Variants in FANK1 observed in about 807,000 individuals in gnomAD.
The protein encoded by FANK1 is fibronectin type III and ankyrin repeat domains 1.
FANK1 carries 44 observed loss-of-function variants against 45.3 expected under a neutral mutation model. The observed-to-expected ratio is 0.97, with a 90% confidence interval of 0.76 to 1.25. The LOEUF (loss-of-function observed/expected upper bound fraction) is 1.25, where lower values mean the gene tolerates loss of function less well. Ranked by LOEUF, FANK1 falls within the 50% of genes most tolerant of loss-of-function variation. The pLI, the probability that FANK1 is intolerant of heterozygous loss-of-function variation, is 0.00. For missense variants in FANK1, 391 were observed against 424.4 expected (o/e 0.92, Z 0.69); for synonymous variants, 149 against 152.5 (o/e 0.98, Z 0.17).
At chr10:125,948,532 C>G (rs1261444411) in intron 1 of FANK1, among the ~76,000 whole-genome samples, 14 of 152,120 alleles carry the variant, frequency 9.2e-5, no homozygotes, top group Admixed American at 3.3e-4. Flanking sequence ...ATAAATTCCT[C>G]AACACATACA....
chr10:125,980,140 C>T (rs779178619), intron 1 of FANK1, 21 bp from the exon 2 acceptor site: 24 of 1,603,712 alleles, frequency 1.5e-5, no homozygotes, highest in African/African-American at 2.7e-5. Context: ...TCCTGAAGTT[C>T]GGTGTCATTC....
chr10:125,924,083 T>C (rs1449350808), intron 1 of FANK1, among the ~76,000 whole-genome samples: 2 of 152,042 alleles, frequency 1.3e-5, no homozygotes, highest in Non-Finnish European at 2.9e-5. Context: ...GCGACTACAC[T>C]CCAGCCTGGG....
chr10:125,929,799 C>T lies in FANK1; in HGVS notation c.13+33144C>T, dbSNP rs140394023. On this transcript the variant is annotated intron_variant, in intron 1 of 10. Transcript: ENST00000368693. Reference sequence around the variant, plus strand: ...GTGGAAGCAGCTCTGAGCATAGGGGCTCAAAGTTCCTGTTACAGAGTTTTT... The same window carrying T: ...GTGGAAGCAGCTCTGAGCATAGGGGTTCAAAGTTCCTGTTACAGAGTTTTT... 4.1e-3 allele frequency among the ~76,000 whole-genome samples: 624 copies of T among 152,244 alleles called. 10 individuals are homozygous for T. Among genetic ancestry groups the T allele is most frequent in the Admixed American group, 6.5e-3 (99 of 15,282 alleles).
rs550357233 is a variant in FANK1 at position 125,917,649 on chromosome 10, A to G, written c.13+20994A>G. Among the ~76,000 whole-genome samples the G allele has an allele frequency of 3.3e-5, 5 of 152,350 alleles. No individual in the cohort carries two copies. In the East Asian group the frequency reaches 9.6e-4, roughly 29 times the overall value. On this transcript the variant is annotated intron_variant, in intron 1 of 10. Transcript: ENST00000368693. The stretch of plus-strand genomic sequence containing the variant: ...TAAAACTTATATTAAGTAAATGTGT[A>G]TGCTTTTCTCTTGTTAATCTGTCTT...
In FANK1 at chr10:126,009,414, G is replaced by A; in HGVS notation, c.1014G>A (p.Arg338=). The A allele has an allele frequency of 1.2e-6, 2 of 1,614,084 alleles. No homozygotes were observed. The highest frequency in any genetic ancestry group is 1.1e-5 in the South Asian group (1 of 91,054). ...TAGAAGAAAGGAAAAAAAAGCAGAG[G>A]CCAAAGAAGTCTTGTGTCTGCTGAT... The part of the protein sequence containing the change: ...SLLEERKKKQ[R]PKKSCVC Residue 338 remains arginine, a synonymous_variant, in exon 11 of 11, where the codon AGG becomes AGA. Transcript: ENST00000368693.
intron 1 of FANK1, among the ~76,000 whole-genome samples, 178 bp downstream of exon 1, chr10:125,896,833 T>C (rs1454130973): frequency 6.6e-6 from 1 of 152,294 alleles, no homozygotes; most frequent in Non-Finnish European, 1.5e-5. Flanking sequence ...GGCTACATCC[T>C]GCCAAGTCTG....
intron 1 of FANK1, among the ~76,000 whole-genome samples, chr10:125,964,333 C>T (rs540348154): frequency 2.4e-4 from 37 of 151,910 alleles, no homozygotes; most frequent in Middle Eastern, 3.4e-3. Context: ...GCTCAGACCA[C>T]AGGTGTGCGC....
intron 8 of FANK1, 125 bp from the exon 9 acceptor site, chr10:126,008,929 C>G (rs1412947605): frequency 2.4e-6 from 2 of 842,890 alleles, no homozygotes; most frequent in East Asian, 5.1e-5. Flanking sequence ...CCATGCAAAG[C>G]CACAGTGGTC....
intron 1 of FANK1, among the ~76,000 whole-genome samples, chr10:125,971,824 A>G (rs149185367): frequency 2.2e-3 from 340 of 152,152 alleles, no homozygotes; most frequent in East Asian, 7.6e-3. Context: ...GGGTTTCACC[A>G]TGTTAGCCAG....
rs1951338472 is a variant in FANK1 at position 125,983,279 on chromosome 10, C to G, written c.191+2941C>G. ...CTCCTTACTACCCTATTGTCTGTGC[C>G]CTAAATTCCTGTGATCGTTGCTGCC... On this transcript the variant is annotated intron_variant, in intron 2 of 10. Coordinates refer to ENST00000368693, the MANE Select transcript of FANK1 (RefSeq NM_145235.5). The surrounding 1 kb of genome is among the most constrained non-coding windows in gnomAD (Gnocchi z 4.3). Among the ~76,000 whole-genome samples, 1 of 152,042 alleles carries G rather than the reference C, an allele frequency of 6.6e-6. No homozygotes were observed. The highest frequency in any genetic ancestry group is 2.4e-5 in the African/African-American group (1 of 41,398).
intron 6 of FANK1, 98 bp from the exon 7 acceptor site, chr10:126,004,786 A>G: frequency 2.4e-6 from 3 of 1,244,128 alleles, no homozygotes; most frequent in Non-Finnish European, 3.5e-6. Context: ...TTTCCACTCA[A>G]GTTAGGATTT....
chr10:125,921,974 G>C (rs2134130483), intron 1 of FANK1, among the ~76,000 whole-genome samples: 1 of 152,110 alleles, frequency 6.6e-6, no homozygotes, highest in East Asian at 1.9e-4. Context: ...TACTGATTTA[G>C]TCTGTTTTTC....
At chr10:125,948,838 T>A (rs1048206476) in intron 1 of FANK1, among the ~76,000 whole-genome samples, 1 of 148,662 alleles carries the variant, frequency 6.7e-6, no homozygotes, top group African/African-American at 2.5e-5. Context: ...TAGACCAATA[T>A]CCTTGATGAA....
chr10:125,988,836 T>C (rs2134210813), intron 3 of FANK1, 161 bp downstream of exon 3: 1 of 1,108,798 alleles, frequency 9.0e-7, no homozygotes, highest in African/African-American at 1.5e-5. Context: ...TTGCCATAAC[T>C]TGTAATGTCA....
chr10:125,988,907 T>C, intron 3 of FANK1: 1 of 647,708 alleles, frequency 1.5e-6, no homozygotes, highest in East Asian at 3.1e-5. Flanking sequence ...AACTGTCCTG[T>C]TAGTAGCCAT....
In FANK1 at chr10:126,004,887, A is replaced by G; in HGVS notation, c.543A>G (p.Leu181=). Reference sequence around the variant, plus strand: ...CCGCTTCTTCCATATGTTGCAGTCTAATGCTGGCGTGCTATGCGGGACACC... The same window carrying G: ...CCGCTTCTTCCATATGTTGCAGTCTGATGCTGGCGTGCTATGCGGGACACC... ...NLKNGSGKDS[L]MLACYAGHLD... is the part of the protein sequence containing the mutation. Residue 181 remains leucine, a synonymous_variant, in exon 7 of 11, where the codon CTA becomes CTG. Coordinates refer to ENST00000368693, the MANE Select transcript of FANK1 (RefSeq NM_145235.5). 2.5e-6 allele frequency: 4 copies of G among 1,614,084 alleles called. No individual in the cohort carries two copies. The highest frequency in any genetic ancestry group is 1.1e-5 in the South Asian group (1 of 91,074).
rs1435336992 is a variant in FANK1 at position 125,925,836 on chromosome 10, T to C, written c.13+29181T>C. Among the ~76,000 whole-genome samples, 3 of 152,020 alleles carry C rather than the reference T, an allele frequency of 2.0e-5. No homozygotes were observed. The East Asian group carries it at 5.8e-4, about 29-fold the overall frequency. The stretch of plus-strand genomic sequence containing the variant: ...TACTTAGTCCATTTGCATGTATTTG[T>C]ATTCTGACATACTTGGATTCTGTAT... On this transcript the variant is annotated intron_variant, in intron 1 of 10. Coordinates refer to ENST00000368693, the MANE Select transcript of FANK1 (RefSeq NM_145235.5).
intron 7 of FANK1, chr10:126,007,202 A>G (rs528030632): frequency 1.3e-5 from 2 of 152,250 alleles, no homozygotes; most frequent in South Asian, 4.1e-4. Context: ...ATATACTAAG[A>G]GTGACTTATT....
intron 1 of FANK1, among the ~76,000 whole-genome samples, chr10:125,951,585 C>G (rs1333229372): frequency 6.6e-6 from 1 of 152,164 alleles, no homozygotes; most frequent in Non-Finnish European, 1.5e-5. Flanking sequence ...TTCTGATTCT[C>G]AGTCTTACTT....
Sources: allele counts gnomAD v4.1 joint callset (sites outside exome capture counted in the v4.1 genomes callset), GRCh38; gene constraint gnomAD v4.1.1; non-coding constraint Gnocchi (gnomAD v3.1); transcripts MANE v1.5; gene names NCBI Gene and HGNC (gene_info 2026-07-23, HGNC 2026-07-21).